The following SETDB1 variants were observed in gnomAD, a reference collection of about 807,000 sequenced individuals.
SETDB1 encodes SET domain bifurcated histone lysine methyltransferase 1, also known as histone-lysine N-methyltransferase SETDB1.
A neutral mutation model predicts 137.4 loss-of-function variants in SETDB1; 31 were observed. The observed-to-expected ratio is 0.23, with a 90% CI of 0.17 to 0.30. The LOEUF (loss-of-function observed/expected upper bound fraction) is 0.30, where lower values mean the gene tolerates loss of function less well. Ranked by LOEUF, SETDB1 falls within the 10% of genes least tolerant of loss-of-function variation. SETDB1 has a pLI of 1.00. For missense variants in SETDB1, 1,113 were observed against 1,631.5 expected (o/e 0.68, Z 5.47); for synonymous variants, 548 against 579.9 (o/e 0.95, Z 0.79).
At chr1:150,964,211 G>A (rs938523538) in intron 21 of SETDB1, 36 bp from the exon 22 acceptor site, 1 of 1,591,732 alleles carries the variant, frequency 6.3e-7, no homozygotes, top group East Asian at 2.2e-5. Context: ...GTTATCTGCT[G>A]TCTTTGCCAC....
At chr1:150,951,863 A>C (rs1670497474) in intron 14 of SETDB1, among the ~76,000 whole-genome samples, 1 of 152,156 alleles carries the variant, frequency 6.6e-6, no homozygotes, top group South Asian at 2.1e-4. Context: ...AAAAGTTAGA[A>C]TCAGGCTGGC....
In SETDB1 at chr1:150,950,624, C is replaced by A. The variant is rs115474010; in HGVS notation, c.1750C>A (p.Leu584Met). The change falls in exon 13 of 22, where the codon CTG becomes ATG. Residue 584 changes from leucine to methionine, a missense_variant. Around this residue, in one of 11 missense-constraint regions of SETDB1, gnomAD observed 192 missense variants for 198.1 expected, o/e 0.97. Coordinates refer to ENST00000692827, the MANE Select transcript of SETDB1 (RefSeq NM_001366418.1). ...ACCTCATGTCTGCAGCTATACCTGT[C>A]TGTCTCGAGTCAGACCTATGAGGAA... ...YLPHVCSYTC[L>M]SRVRPMRNEQ... 139 of 1,614,160 alleles carry A rather than the reference C, an allele frequency of 8.6e-5. No individual in the cohort carries two copies. The African/African-American group carries it at 1.7e-3, about 19-fold the overall frequency.
rs1258578211 is a variant in SETDB1, at chr1:150,963,051, T to C, written c.3372T>C (p.Thr1124=). The change falls in exon 19 of 22, where the codon ACT becomes ACC. Residue 1124 remains threonine (T), a synonymous_variant. Coordinates refer to ENST00000692827, the MANE Select transcript of SETDB1 (RefSeq NM_001366418.1). ...GTSRKPTAGQ[T]SATAVDSDDI... is the part of the protein sequence containing the mutation. The stretch of plus-strand genomic sequence containing the variant: ...GCCGAAAGCCCACTGCTGGTCAGAC[T>C]TCGGCTACAGCGGTTGACAGTGATG... 3 of 1,614,192 alleles carry C rather than the reference T, an allele frequency of 1.9e-6. No homozygotes were observed. Among genetic ancestry groups the C allele is most frequent in the Non-Finnish European group, 2.5e-6 (3 of 1,180,040 alleles).
At position 150,961,388 on chromosome 1, in the gene SETDB1, C is replaced by A. The variant is rs904647065; in HGVS notation, c.3132+197C>A. On this transcript the variant is annotated intron_variant, in intron 16 of 21. Coordinates refer to ENST00000692827, the MANE Select transcript of SETDB1 (RefSeq NM_001366418.1). ...AAATTATTGACCGGGCACAGTGGCT[C>A]ACACCTGTAATCCCAACACTTTGGG... 5.3e-5 allele frequency: 31 copies of A among 586,094 alleles called. No homozygotes were observed. The Middle Eastern group carries it at 2.8e-3, about 53-fold the overall frequency. 36.3% of individuals were successfully genotyped at this position (586,094 alleles called of 1,614,324 possible).
chr1:150,928,652 T>C (rs587649281), intron 2 of SETDB1, among the ~76,000 whole-genome samples: 1 of 152,370 alleles, frequency 6.6e-6, no homozygotes, highest in East Asian at 1.9e-4. Context: ...CTAGGGTATA[T>C]GTGCACAACG....
chr1:150,949,403 G>C lies in SETDB1; in HGVS notation c.1461G>C (p.Gln487His), dbSNP rs111742367. 6.2e-7 allele frequency: 1 copy of C among 1,614,234 alleles called. No individual in the cohort carries two copies. Among genetic ancestry groups the C allele is most frequent in the South Asian group, 1.1e-5 (1 of 91,088 alleles). ...GCCAGCTTGCCCAGTCACGGAAGCA[G>C]GTAGCCAAAAAGAGCACGTCCTTTC... ...LESQLAQSRK[Q>H]VAKKSTSFRP... Residue 487 changes from glutamine to histidine, a missense_variant, in exon 12 of 22, where the codon CAG (glutamine) becomes CAC (histidine). Gln to His is a conservative substitution (Grantham distance 24). Transcript: ENST00000692827.
chr1:150,963,327 T>C (rs1348770837), intron 19 of SETDB1, 188 bp downstream of exon 19: 6 of 729,588 alleles, frequency 8.2e-6, no homozygotes, highest in Non-Finnish European at 1.4e-5. Context: ...TCCATTTTTT[T>C]ACTCTTTCCC....
intron 14 of SETDB1, among the ~76,000 whole-genome samples, chr1:150,956,477 C>T (rs1670645660): frequency 6.6e-6 from 1 of 151,994 alleles, no homozygotes; most frequent in Admixed American, 6.6e-5. Context: ...AATAATGACA[C>T]CTGAGTTCAA....
rs150712734 is a variant in SETDB1 at position 150,944,004 on chromosome 1, C to T, written c.949+11C>T. The T allele has an allele frequency of 6.3e-7, 1 of 1,583,486 alleles. No homozygotes were observed. Among genetic ancestry groups the T allele is most frequent in the African/African-American group, 1.3e-5 (1 of 74,408 alleles). Reference sequence around the variant, plus strand: ...CCATTTGCCGGCCACGTGAGTGTTTCTCCCTTATTCCTTAGCTCAGTTTTC... The same window carrying T: ...CCATTTGCCGGCCACGTGAGTGTTTTTCCCTTATTCCTTAGCTCAGTTTTC... On this transcript the variant is annotated intron_variant, in intron 8 of 21. Coordinates refer to ENST00000692827, the MANE Select transcript of SETDB1 (RefSeq NM_001366418.1).
At chr1:150,933,630 G>A (rs949210987) in intron 3 of SETDB1, among the ~76,000 whole-genome samples, 1 of 151,780 alleles carries the variant, frequency 6.6e-6, no homozygotes, top group African/African-American at 2.4e-5. Flanking sequence ...GTCCACCTAA[G>A]CCTCTCAAAG....
At chr1:150,956,796 G>A (rs1259773362) in intron 14 of SETDB1, among the ~76,000 whole-genome samples, 5 of 150,384 alleles carry the variant, frequency 3.3e-5, no homozygotes, top group African/African-American at 7.4e-5. Flanking sequence ...TGGGATTACC[G>A]ACATGGGAAA....
Position 150,961,113 on chromosome 1 carries a change from C to G in SETDB1, c.3054C>G (p.Ser1018Arg). The change falls in exon 16 of 22, where the codon AGC becomes AGG. Residue 1018 changes from serine to arginine, a missense_variant. Around this residue, in one of 11 missense-constraint regions of SETDB1, gnomAD observed 373 missense variants for 412.7 expected, o/e 0.90. Coordinates refer to ENST00000692827, the MANE Select transcript of SETDB1 (RefSeq NM_001366418.1). ...NEGGEGRAGG[S>R]RMEAEKASTS... ...GTGGGGAGGGCCGGGCTGGGGGAAG[C>G]CGAATGGAGGCTGAGAAGGCCTCCA... 6.2e-7 allele frequency: 1 copy of G among 1,614,024 alleles called. No individual in the cohort carries two copies. The highest frequency in any genetic ancestry group is 8.5e-7 in the Non-Finnish European group (1 of 1,179,976).
At position 150,941,498 on chromosome 1, in the gene SETDB1, T is replaced by C. The variant is rs587686404; in HGVS notation, c.547+70T>C. On this transcript the variant is annotated intron_variant, in intron 5 of 21. Coordinates refer to ENST00000692827, the MANE Select transcript of SETDB1 (RefSeq NM_001366418.1). ...TACAGAGATTTTGTCTTAAGTCTTA[T>C]GTCTGCTAATTGTTTGTGACATGCC... The C allele has an allele frequency of 1.1e-4, 104 of 916,806 alleles. 1 individual carries two copies. In the African/African-American group the frequency reaches 1.5e-3, roughly 13 times the overall value. The allele number at this position is 916,806 out of a possible 1,614,324, so 56.8% of individuals were successfully genotyped here. A position where few individuals can be genotyped will look rare whatever the true frequency, so the allele number is the denominator to read the frequency against.
At chr1:150,942,771 C>G (rs1670204650) in intron 6 of SETDB1, 81 bp from the exon 7 acceptor site, 2 of 1,595,860 alleles carry the variant, frequency 1.3e-6, no homozygotes, top group African/African-American at 1.3e-5. Flanking sequence ...CATAACCTTC[C>G]CATTTGTCTC....
chr1:150,959,685 G>C (rs1374285250), intron 15 of SETDB1, among the ~76,000 whole-genome samples: 1 of 152,282 alleles, frequency 6.6e-6, no homozygotes, highest in East Asian at 1.9e-4. Context: ...TTTCAATAAA[G>C]TAGAAGAAAT....
chr1:150,950,430 G>T, intron 12 of SETDB1, 28 bp from the exon 13 acceptor site: 2 of 1,538,912 alleles, frequency 1.3e-6, no homozygotes, highest in Non-Finnish European at 1.7e-6. Context: ...GTTGCCTTCC[G>T]ATCTGATCAC....
Position 150,946,874 on chromosome 1 carries a change from T to G in SETDB1, c.1141-12T>G, listed in dbSNP as rs1670348657. The G allele has an allele frequency of 1.2e-6, 2 of 1,613,820 alleles. No individual in the cohort carries two copies. Among genetic ancestry groups the G allele is most frequent in the Admixed American group, 1.7e-5 (1 of 60,004 alleles). ...AGCTATTTCCCTTCATTCTTTTCTCTCAATTCCCCAGGATGACAAAAGATG... is the reference window on the plus strand; with the variant it reads ...AGCTATTTCCCTTCATTCTTTTCTCGCAATTCCCCAGGATGACAAAAGATG... On this transcript the variant is annotated splice_polypyrimidine_tract_variant and intron_variant, in intron 9 of 21. Coordinates refer to ENST00000692827, the MANE Select transcript of SETDB1 (RefSeq NM_001366418.1).
In SETDB1 at chr1:150,941,418, T is replaced by G. The variant is rs933061728; in HGVS notation, c.537T>G (p.Asp179Glu). Residue 179 changes from aspartate to glutamate, a missense_variant, in exon 5 of 22, where the codon GAT becomes GAG. Around this residue, in one of 11 missense-constraint regions of SETDB1, gnomAD observed 159 missense variants for 188.6 expected, o/e 0.84. Transcript: ENST00000692827. ...TCAACAAGAAGAGCAGTTCCCAGGA[T>G]CTGCATAAAGGTTAGGGTCAAGAAA... ...DAVNKKSSSQ[D>E]LHKGTLSQMS... The G allele has an allele frequency of 2.5e-6, 4 of 1,603,892 alleles. No individual in the cohort carries two copies. The Admixed American group carries it at 6.7e-5, about 27-fold the overall frequency.
chr1:150,963,057 T>C lies in SETDB1; in HGVS notation c.3378T>C (p.Ala1126=), dbSNP rs1670872274. 1 of 1,614,192 alleles carries C rather than the reference T, an allele frequency of 6.2e-7. No individual in the cohort carries two copies. The highest frequency in any genetic ancestry group is 8.5e-7 in the Non-Finnish European group (1 of 1,180,036). Residue 1126 remains alanine (A), a synonymous_variant, in exon 19 of 22, where the codon GCT becomes GCC. Coordinates refer to ENST00000692827, the MANE Select transcript of SETDB1 (RefSeq NM_001366418.1). The part of the protein sequence containing the change: ...SRKPTAGQTS[A]TAVDSDDIQT... ...AGCCCACTGCTGGTCAGACTTCGGC[T>C]ACAGCGGTTGACAGTGATGATATCC...
Sources: allele counts gnomAD v4.1 joint callset (sites outside exome capture counted in the v4.1 genomes callset), GRCh38; gene constraint gnomAD v4.1.1; regional missense constraint gnomAD v4.1.1; transcripts MANE v1.5; gene names NCBI Gene and HGNC (gene_info 2026-07-23, HGNC 2026-07-21).